The following ST8SIA5 variants were observed in gnomAD, a reference collection of about 807,000 sequenced individuals.
ST8SIA5 encodes alpha-2,8-sialyltransferase 8E.
In ST8SIA5, 24 loss-of-function variants were observed where a neutral mutation model predicts 40.2. The observed-to-expected ratio is 0.60, with a 90% CI of 0.43 to 0.84. ST8SIA5 has a LOEUF of 0.84. ST8SIA5 is among the 40% of genes least tolerant of loss of function. The probability of loss-of-function intolerance (pLI) is 0.00; values close to 1 mark genes in which losing one functional copy is unlikely to be tolerated. For synonymous variants in ST8SIA5, 198 were observed against 201.8 expected, an observed-to-expected ratio of 0.98 and a Z score of 0.16; for missense variants, 465 against 498.5, an observed-to-expected ratio of 0.93 and a Z score of 0.64.
At chr18:46,746,375 G>A (rs2040140556) in intron 1 of ST8SIA5, among the ~76,000 whole-genome samples, 1 of 152,250 alleles carries the variant, frequency 6.6e-6, no homozygotes, top group East Asian at 1.9e-4. Context: ...AAAGTCTCAG[G>A]ATACAAAATC....
intron 1 of ST8SIA5, among the ~76,000 whole-genome samples, chr18:46,748,072 G>T (rs541560371): frequency 1.4e-3 from 217 of 152,174 alleles, no homozygotes; most frequent in Non-Finnish European, 2.5e-3. Context: ...GGCCTGTCAG[G>T]GGGTGGAGGG....
chr18:46,737,012 C>A (rs2040041316), intron 1 of ST8SIA5, among the ~76,000 whole-genome samples: 1 of 152,184 alleles, frequency 6.6e-6, no homozygotes, highest in South Asian at 2.1e-4. Flanking sequence ...CCCACGTCAC[C>A]AGAGCTGGAA....
At chr18:46,694,691 C>G (rs187343780) in intron 2 of ST8SIA5, among the ~76,000 whole-genome samples, 1 of 152,144 alleles carries the variant, frequency 6.6e-6, no homozygotes, top group Non-Finnish European at 1.5e-5. Flanking sequence ...CACTGTGGCT[C>G]TTACCCTGGG....
At chr18:46,728,912 A>G (rs2039958708) in intron 1 of ST8SIA5, among the ~76,000 whole-genome samples, 1 of 152,116 alleles carries the variant, frequency 6.6e-6, no homozygotes, top group Non-Finnish European at 1.5e-5. Context: ...CCACTTGCCT[A>G]TTCCAGAACC....
rs575267675 is a variant in ST8SIA5, at chr18:46,716,157, C to T, written c.132-11493G>A. 5.3e-4 allele frequency among the ~76,000 whole-genome samples: 78 copies of T among 148,402 alleles called. No individual in the cohort carries two copies. The South Asian group carries it at 0.016, about 31-fold the overall frequency. On this transcript the variant is annotated intron_variant, in intron 1 of 6. Transcript: ENST00000315087. Reference sequence around the variant, plus strand: ...ATAGATATAGTGCTCCAGCTCCACCCACCACCTGGAAGTGACCTAATCTTT... The same window carrying T: ...ATAGATATAGTGCTCCAGCTCCACCTACCACCTGGAAGTGACCTAATCTTT...
At chr18:46,696,456 ACT>A (rs1161889442) in intron 2 of ST8SIA5, among the ~76,000 whole-genome samples, 3 of 151,904 alleles carry the variant, frequency 2.0e-5, no homozygotes, top group Non-Finnish European at 4.4e-5. Context: ...TCTGGGCCCT[ACT>A]CTCTCTGCCT....
intron 1 of ST8SIA5, among the ~76,000 whole-genome samples, chr18:46,744,568 G>A (rs1490488144): frequency 4.6e-5 from 7 of 152,148 alleles, no homozygotes; most frequent in Non-Finnish European, 1.0e-4. Context: ...CATAAAGCAA[G>A]TCCTTAGATA....
At chr18:46,699,597 T>G (rs2039590851) in intron 2 of ST8SIA5, among the ~76,000 whole-genome samples, 1 of 152,192 alleles carries the variant, frequency 6.6e-6, no homozygotes, top group Non-Finnish European at 1.5e-5. Context: ...GCCAGAATGG[T>G]CTCGATCTCC....
chr18:46,727,995 G>A (rs947173370), intron 1 of ST8SIA5, among the ~76,000 whole-genome samples: 7 of 152,088 alleles, frequency 4.6e-5, no homozygotes, highest in Admixed American at 6.5e-5. Context: ...AAGGGATCGA[G>A]ACCATCCTGG....
intron 1 of ST8SIA5, chr18:46,721,432 T>G: frequency 1.3e-6 from 2 of 1,536,036 alleles, no homozygotes; most frequent in Non-Finnish European, 1.7e-6. Context: ...GTCCAATTGG[T>G]CAGCTGGTCA....
At chr18:46,721,594 C>A in intron 1 of ST8SIA5, 4 of 767,276 alleles carry the variant, frequency 5.2e-6, no homozygotes, top group South Asian at 1.6e-5. Context: ...TTAAAGGAGG[C>A]GATGGTACTG....
intron 1 of ST8SIA5, among the ~76,000 whole-genome samples, chr18:46,752,227 AAC>A (rs1467977941): frequency 6.6e-6 from 1 of 152,008 alleles, no homozygotes; most frequent in East Asian, 1.9e-4. Context: ...TGTACCTTGA[AAC>A]ACAGTGATTT....
At chr18:46,711,646 C>A (rs961595967) in intron 1 of ST8SIA5, among the ~76,000 whole-genome samples, 1 of 152,200 alleles carries the variant, frequency 6.6e-6, no homozygotes, top group South Asian at 2.1e-4. Flanking sequence ...TCACAGCAAA[C>A]GCACAGAAAT....
chr18:46,731,624 TCTC>T (rs2039985525), intron 1 of ST8SIA5: 1 of 152,156 alleles, frequency 6.6e-6, no homozygotes, highest in African/African-American at 2.4e-5. Context: ...ATCCACTTCT[TCTC>T]CTTAAAACAA....
Position 46,689,056 on chromosome 18 carries a change from G to C in ST8SIA5, c.312-137C>G, listed in dbSNP as rs368448796. On this transcript the variant is annotated intron_variant, in intron 3 of 6. Transcript: ENST00000315087. ...CCTATCCCACGCTTGCCCCCACCCTGCATGGAGCCGAGGCCTCTCCTGCCC... is the reference window on the plus strand; with the variant it reads ...CCTATCCCACGCTTGCCCCCACCCTCCATGGAGCCGAGGCCTCTCCTGCCC... The C allele has an allele frequency of 2.2e-5, 24 of 1,091,522 alleles. No individual in the cohort carries two copies. In the African/African-American group the frequency reaches 3.5e-4, roughly 16 times the overall value. 67.6% of individuals were successfully genotyped at this position (1,091,522 alleles called of 1,614,324 possible).
chr18:46,679,878 A>C lies in ST8SIA5; in HGVS notation c.*164T>G. On this transcript the variant is annotated 3_prime_UTR_variant, in exon 7 of 7. Coordinates refer to ENST00000315087, the MANE Select transcript of ST8SIA5 (RefSeq NM_013305.6). ...CAGAGCTGACTCTGCCCCGGTTCCT[A>C]ACCCTGCCTCCCTACCCCAGGATCC... 4.1e-6 allele frequency: 3 copies of C among 740,692 alleles called. No individual in the cohort carries two copies. The highest frequency in any genetic ancestry group is 6.4e-6 in the Non-Finnish European group (3 of 465,804). 45.9% of individuals were successfully genotyped at this position (740,692 alleles called of 1,614,324 possible).
chr18:46,725,990 T>TCCTGG lies in ST8SIA5; in HGVS notation c.132-21327_132-21326insCCAGG, dbSNP rs1270311577. On this transcript the variant is annotated intron_variant, in intron 1 of 6. Transcript: ENST00000315087. ...AAAAAAAAATATATATATATATATA[T>TCCTGG]ATATATATATATATATATATCCTGG... Among the ~76,000 whole-genome samples, 43 of 63,404 alleles carry TCCTGG rather than the reference T, an allele frequency of 6.8e-4. 1 individual carries two copies. The highest frequency in any genetic ancestry group is 1.2e-3 in the Non-Finnish European group (40 of 32,940). 41.6% of individuals were successfully genotyped at this position (63,404 alleles called of 152,430 possible). A position where few individuals can be genotyped will look rare whatever the true frequency, so the allele number is the denominator to read the frequency against.
At chr18:46,753,911 A>T (rs1276599031) in intron 1 of ST8SIA5, among the ~76,000 whole-genome samples, 6 of 152,150 alleles carry the variant, frequency 3.9e-5, no homozygotes, top group Non-Finnish European at 7.3e-5. Context: ...GCAGGTTAGT[A>T]GATCTCACCC....
intron 1 of ST8SIA5, among the ~76,000 whole-genome samples, chr18:46,729,636 G>A (rs1166548269): frequency 6.6e-6 from 1 of 152,194 alleles, no homozygotes; most frequent in African/African-American, 2.4e-5. Context: ...AGCTAGTAAG[G>A]GGCACCAGGC....
Sources: gnomAD v4.1 joint callset for allele counts (sites outside exome capture counted in the v4.1 genomes callset) on GRCh38, gnomAD v4.1.1 for gene constraint, MANE v1.5 for transcripts, NCBI Gene and HGNC (gene_info 2026-07-23, HGNC 2026-07-21) for gene names.